The following DSE variants were observed in gnomAD, a reference collection of about 807,000 sequenced individuals.
DSE encodes dermatan sulfate epimerase, also known as dermatan-sulfate epimerase.
In DSE, 36 loss-of-function variants were observed where a neutral mutation model predicts 84.4. That is an observed-to-expected ratio of 0.43 (90% CI 0.33 to 0.56). The LOEUF (loss-of-function observed/expected upper bound fraction) is 0.56. Among genes scored for constraint, DSE ranks in the 20% least tolerant of loss-of-function variants. The probability of loss-of-function intolerance (pLI) is 0.06; values close to 1 mark genes in which losing one functional copy is unlikely to be tolerated. For missense variants in DSE, 862 were observed against 1,169.6 expected, an observed-to-expected ratio of 0.74 and a Z score of 3.84; for synonymous variants, 410 against 430.1, an observed-to-expected ratio of 0.95 and a Z score of 0.58.
chr6:116,330,016 G>T (rs997894620), intron 2 of DSE, among the ~76,000 whole-genome samples: 4 of 151,876 alleles, frequency 2.6e-5, no homozygotes, highest in Non-Finnish European at 5.9e-5. Context: ...GTAGAGATGG[G>T]GTTTCATCAT....
At chr6:116,392,659 C>T (rs1300910994) in intron 1 of DSE, among the ~76,000 whole-genome samples, 1 of 152,170 alleles carries the variant, frequency 6.6e-6, no homozygotes, top group Non-Finnish European at 1.5e-5. Flanking sequence ...ATTTCAGCAG[C>T]CTCCTTCAAA....
chr6:116,381,121 A>G (rs891116785), intron 1 of DSE, among the ~76,000 whole-genome samples: 1 of 152,214 alleles, frequency 6.6e-6, no homozygotes, highest in African/African-American at 2.4e-5. Flanking sequence ...ATATTGAGCA[A>G]TGCATACATG....
intron 5 of DSE, among the ~76,000 whole-genome samples, chr6:116,435,342 G>A (rs904593262): frequency 6.6e-6 from 1 of 152,176 alleles, no homozygotes. Context: ...AGAGATTAGA[G>A]CAGAAATCAT....
chr6:116,432,257 G>A (rs957853426), intron 4 of DSE, among the ~76,000 whole-genome samples: 5 of 152,326 alleles, frequency 3.3e-5, no homozygotes, highest in Middle Eastern at 3.4e-3. Context: ...CAGGAATTGT[G>A]TTTGCTGTGA....
intron 2 of DSE, among the ~76,000 whole-genome samples, chr6:116,295,475 A>G (rs944407315): frequency 3.3e-5 from 5 of 152,144 alleles, no homozygotes; most frequent in Non-Finnish European, 7.3e-5. Flanking sequence ...CAAGGTCTTT[A>G]TGTAAGATGA....
rs1340391129 is a variant in DSE at position 116,441,837 on chromosome 6, G to GT, written c.*4492_*4493insT. 2 of 152,208 alleles carry GT rather than the reference G, an allele frequency of 1.3e-5. No homozygotes were observed. Among genetic ancestry groups the GT allele is most frequent in the African/African-American group, 4.8e-5 (2 of 41,450 alleles). The allele number at this position is 152,208 out of a possible 1,614,324, so 9.4% of individuals were successfully genotyped here. ...AACGAATGACAATAACATGTTTACA[G>GT]AGCATCTACTATATGCCAAGTATTG... On this transcript the variant is annotated 3_prime_UTR_variant, in exon 6 of 6. Coordinates refer to ENST00000644252, the MANE Select transcript of DSE (RefSeq NM_013352.4).
At chr6:116,299,539 TATATATATATATAC>T (rs1183517572) in intron 2 of DSE, among the ~76,000 whole-genome samples, 4 of 23,582 alleles carry the variant, frequency 1.7e-4, no homozygotes, top group African/African-American at 1.0e-3. Context: ...TATATATATA[TATATATATATATAC>T]ACATACACAC....
chr6:116,254,189 G>A, exon 1 of DSE: 1 of 732,256 alleles, frequency 1.4e-6, no homozygotes, highest in Non-Finnish European at 2.4e-6. Flanking sequence ...GGTTGACTAC[G>A]CTTATCAATC....
intron 2 of DSE, among the ~76,000 whole-genome samples, chr6:116,341,008 A>G (rs1044888081): frequency 6.6e-6 from 1 of 152,212 alleles, no homozygotes; most frequent in African/African-American, 2.4e-5. Context: ...ATACCCAGTA[A>G]TGGGATTGCT....
chr6:116,309,341 T>TACATACAC (rs1379309059), intron 2 of DSE, among the ~76,000 whole-genome samples: 6 of 151,002 alleles, frequency 4.0e-5, no homozygotes, highest in Non-Finnish European at 8.8e-5. Context: ...CATACATACA[T>TACATACAC]ACACACCACT....
At chr6:116,424,390 ATCTTTTTAGCACTAG>A (rs1285984393) in intron 2 of DSE, among the ~76,000 whole-genome samples, 2 of 152,230 alleles carry the variant, frequency 1.3e-5, no homozygotes, top group Non-Finnish European at 2.9e-5. Context: ...AAACTCATCA[ATCTTTTTAGCACTAG>A]TCTTTTTAGC....
intron 2 of DSE, among the ~76,000 whole-genome samples, chr6:116,364,811 G>T (rs1779072714): frequency 6.7e-6 from 1 of 148,782 alleles, no homozygotes; most frequent in Admixed American, 6.7e-5. Flanking sequence ...TTTGGTTCAA[G>T]TACCTGTTTA....
At chr6:116,257,856 A>G (rs1408416157) in intron 1 of DSE, among the ~76,000 whole-genome samples, 2 of 152,214 alleles carry the variant, frequency 1.3e-5, no homozygotes, top group Middle Eastern at 3.4e-3. Context: ...GTTTCAATAT[A>G]TTAGAGGGGA....
chr6:116,334,757 CA>C (rs901854684), intron 2 of DSE, among the ~76,000 whole-genome samples: 2 of 151,940 alleles, frequency 1.3e-5, no homozygotes, highest in African/African-American at 4.8e-5. Context: ...ACAGACTTTT[CA>C]AAAGACATGA....
intron 1 of DSE, among the ~76,000 whole-genome samples, chr6:116,381,717 T>C (rs1205121663): frequency 1.3e-5 from 2 of 152,156 alleles, no homozygotes; most frequent in Non-Finnish European, 2.9e-5. Context: ...GGCACTTTAT[T>C]GTTCATTGGT....
intron 2 of DSE, among the ~76,000 whole-genome samples, chr6:116,297,756 G>A (rs1402162302): frequency 6.6e-6 from 1 of 152,210 alleles, no homozygotes; most frequent in Non-Finnish European, 1.5e-5. Flanking sequence ...TTTCTAGAAA[G>A]AGGTGGCATT....
Position 116,436,723 on chromosome 6 carries a change from T to G in DSE, c.2255T>G (p.Val752Gly). 1 of 1,614,142 alleles carries G rather than the reference T, an allele frequency of 6.2e-7. No individual in the cohort carries two copies. The highest frequency in any genetic ancestry group is 8.5e-7 in the Non-Finnish European group (1 of 1,180,022). Reference protein sequence around the residue: ...VEQNLQHFKPVFQLLEKQILS... With the variant: ...VEQNLQHFKPGFQLLEKQILS... Reference sequence around the variant, plus strand: ...CAGAACTTGCAGCATTTTAAACCAGTGTTTCAGCTGCTGGAGAAGCAGATA... The same window carrying G: ...CAGAACTTGCAGCATTTTAAACCAGGGTTTCAGCTGCTGGAGAAGCAGATA... Residue 752 changes from valine to glycine, a missense_variant, in exon 6 of 6, where the codon GTG becomes GGG. This residue lies in a region of DSE where 315 missense variants were observed against 348.1 expected (regional missense o/e 0.90). Transcript: ENST00000644252.
intron 2 of DSE, among the ~76,000 whole-genome samples, chr6:116,320,324 T>G (rs191363767): frequency 1.6e-4 from 25 of 152,196 alleles, no homozygotes; most frequent in African/African-American, 4.8e-4. Context: ...TTTCTGAATC[T>G]TGTTTTCTCC....
At chr6:116,399,753 A>G (rs1781483245) in intron 2 of DSE, 87 bp downstream of exon 2, 12 of 1,312,884 alleles carry the variant, frequency 9.1e-6, no homozygotes, top group Non-Finnish European at 1.3e-5. Flanking sequence ...CCAGATCTTC[A>G]TGTACCTCTT....
Sources: gnomAD v4.1 joint callset for allele counts (sites outside exome capture counted in the v4.1 genomes callset) on GRCh38, gnomAD v4.1.1 for gene constraint, gnomAD v4.1.1 regional missense constraint, MANE v1.5 for transcripts, NCBI Gene and HGNC (gene_info 2026-07-23, HGNC 2026-07-21) for gene names.